Variants in RMDN2 observed in about 807,000 individuals in gnomAD.
The protein encoded by RMDN2 is regulator of microtubule dynamics 2.
In RMDN2, 61 loss-of-function variants were observed where a neutral mutation model predicts 52.8. That is an observed-to-expected ratio of 1.16 (90% CI 0.94 to 1.43). RMDN2 has a LOEUF of 1.43. RMDN2 is among the 40% of genes most tolerant of loss of function. The pLI is 0.00. For missense variants in RMDN2, 592 were observed against 475.3 expected (o/e 1.25, Z -2.28); for synonymous variants, 180 against 153.1 (o/e 1.18, Z -1.30).
chr2:38,060,155 C>G (rs1681990098), intron 10 of RMDN2, among the ~76,000 whole-genome samples: 1 of 151,226 alleles, frequency 6.6e-6, no homozygotes, highest in African/African-American at 2.4e-5. Flanking sequence ...CTGTGTTACG[C>G]AGGATGGTCT....
chr2:37,978,475 G>A (rs1672857366), intron 4 of RMDN2, among the ~76,000 whole-genome samples: 2 of 152,170 alleles, frequency 1.3e-5, no homozygotes, highest in African/African-American at 4.8e-5. Context: ...AGGGGAGGCA[G>A]CACTAGTCAA....
chr2:38,058,457 C>T (rs1681922714), intron 10 of RMDN2, among the ~76,000 whole-genome samples: 2 of 152,200 alleles, frequency 1.3e-5, no homozygotes, highest in African/African-American at 4.8e-5. Flanking sequence ...TTCTGTTAGC[C>T]CTCATCAGCT....
intron 10 of RMDN2, among the ~76,000 whole-genome samples, chr2:38,058,928 T>C (rs1171953346): frequency 6.6e-6 from 1 of 152,244 alleles, no homozygotes; most frequent in Non-Finnish European, 1.5e-5. Context: ...ATGTTCACAC[T>C]CACTTACTCG....
chr2:37,928,288 T>G (rs1666448342), intron 1 of RMDN2, among the ~76,000 whole-genome samples: 1 of 152,238 alleles, frequency 6.6e-6, no homozygotes, highest in South Asian at 2.1e-4. Context: ...GCTTGTTCTC[T>G]CAGACCCTCT....
At chr2:38,037,994 C>G (rs1313697782) in intron 10 of RMDN2, among the ~76,000 whole-genome samples, 1 of 152,160 alleles carries the variant, frequency 6.6e-6, no homozygotes, top group Non-Finnish European at 1.5e-5. Context: ...CTGCAAACCC[C>G]TCTGGAGCCT....
chr2:37,955,699 G>A (rs1055547860), intron 2 of RMDN2, among the ~76,000 whole-genome samples: 45 of 151,962 alleles, frequency 3.0e-4, no homozygotes, highest in African/African-American at 1.0e-3. Flanking sequence ...TTCTCTTGAC[G>A]CCACCATATA....
intron 10 of RMDN2, among the ~76,000 whole-genome samples, chr2:38,062,792 A>G (rs1016180932): frequency 9.3e-5 from 5 of 53,646 alleles, no homozygotes; most frequent in African/African-American, 3.5e-4. Flanking sequence ...AACAGTCCCC[A>G]GTGTGTGATG....
At chr2:37,991,519 A>G (rs1160646325) in intron 7 of RMDN2, among the ~76,000 whole-genome samples, 1 of 151,982 alleles carries the variant, frequency 6.6e-6, no homozygotes, top group Non-Finnish European at 1.5e-5. Context: ...GTATTTTATA[A>G]TTTATAAACT....
At chr2:38,024,371 G>A (rs1305751315) in intron 10 of RMDN2, among the ~76,000 whole-genome samples, 1 of 152,124 alleles carries the variant, frequency 6.6e-6, no homozygotes, top group Non-Finnish European at 1.5e-5. Context: ...TTTCCAAAGT[G>A]GTTTTACCAT....
At chr2:37,986,020 T>C (rs1228368781) in intron 5 of RMDN2, among the ~76,000 whole-genome samples, 1 of 152,188 alleles carries the variant, frequency 6.6e-6, no homozygotes, top group East Asian at 1.9e-4. Context: ...AAGGGAATTG[T>C]CTGTACTATG....
chr2:37,997,545 C>G (rs780341195), intron 8 of RMDN2, 31 bp downstream of exon 8: 82 of 1,344,896 alleles, frequency 6.1e-5, no homozygotes, highest in Non-Finnish European at 8.7e-5. Flanking sequence ...ATTTTAGTGT[C>G]AGACTGATTA....
At chr2:37,977,727 G>C (rs1024783487) in intron 4 of RMDN2, among the ~76,000 whole-genome samples, 5 of 151,808 alleles carry the variant, frequency 3.3e-5, no homozygotes, top group Non-Finnish European at 5.9e-5. Context: ...CAGATGGGGC[G>C]GCGGGGCAGA....
intron 2 of RMDN2, chr2:37,950,215 G>A (rs1179161490): frequency 2.7e-6 from 1 of 371,336 alleles, no homozygotes; most frequent in African/African-American, 2.1e-5. Flanking sequence ...ATGGTCCAAG[G>A]TGAGAGAGAT....
chr2:37,923,002 T>A (rs1666075416), upstream of RMDN2, among the ~76,000 whole-genome samples: 1 of 152,196 alleles, frequency 6.6e-6, no homozygotes, highest in South Asian at 2.1e-4. Context: ...TCCTCCCAAA[T>A]GATTGTCATG....
chr2:37,955,765 T>A (rs1008017332), intron 2 of RMDN2, among the ~76,000 whole-genome samples: 1 of 152,144 alleles, frequency 6.6e-6, no homozygotes, highest in Non-Finnish European at 1.5e-5. Flanking sequence ...TATGTGGAAC[T>A]GTAAGTCCAA....
chr2:37,927,333 C>CTACCCAGT (rs1666359704), intron 1 of RMDN2, among the ~76,000 whole-genome samples: 1 of 152,188 alleles, frequency 6.6e-6, no homozygotes, highest in Non-Finnish European at 1.5e-5. Flanking sequence ...TGGGTGATCA[C>CTACCCAGT]TGGGTAAGTG....
intron 10 of RMDN2, among the ~76,000 whole-genome samples, chr2:38,041,832 T>C (rs1360668251): frequency 2.0e-5 from 3 of 152,206 alleles, no homozygotes; most frequent in Non-Finnish European, 2.9e-5. Flanking sequence ...TAGTTTTTTT[T>C]ATACAGTGTT....
At chr2:38,058,594 T>C (rs1260626798) in intron 10 of RMDN2, among the ~76,000 whole-genome samples, 1 of 152,204 alleles carries the variant, frequency 6.6e-6, no homozygotes, top group Non-Finnish European at 1.5e-5. Flanking sequence ...TAAGGAACCA[T>C]AGCTTTGAAT....
intron 4 of RMDN2, among the ~76,000 whole-genome samples, chr2:37,976,862 T>A (rs538694147): frequency 1.0e-3 from 152 of 152,116 alleles, no homozygotes; most frequent in African/African-American, 3.4e-3. Context: ...ATTTTTTTAG[T>A]ATTTATTGAT....
Sources: gnomAD v4.1 joint callset for allele counts (sites outside exome capture counted in the v4.1 genomes callset) on GRCh38, gnomAD v4.1.1 for gene constraint, MANE v1.5 for transcripts, NCBI Gene and HGNC (gene_info 2026-07-23, HGNC 2026-07-21) for gene names.